The following CFAP100 variants were observed in gnomAD, a reference collection of about 807,000 sequenced individuals.
CFAP100 encodes the protein cilia and flagella associated protein 100, also known as cilia- and flagella-associated protein 100.
Under a neutral mutation model 81.5 loss-of-function variants are expected in CFAP100, and 70 were observed. The ratio of observed to expected loss-of-function variants is 0.86; its 90% CI spans 0.71 to 1.05. The LOEUF (loss-of-function observed/expected upper bound fraction) is 1.05. CFAP100 is among the 50% of genes least tolerant of loss of function. CFAP100 has a pLI of 0.00. For missense variants in CFAP100, 811 were observed against 776.5 expected (o/e 1.04, Z -0.53); for synonymous variants, 341 against 314.8 (o/e 1.08, Z -0.88).
chr3:126,425,520 T>C (rs1013217998), intron 13 of CFAP100, among the ~76,000 whole-genome samples: 1 of 152,172 alleles, frequency 6.6e-6, no homozygotes, highest in African/African-American at 2.4e-5. Context: ...TTCTCTACAA[T>C]CACTTTTCAG....
chr3:126,407,008 C>A (rs2083073318), intron 2 of CFAP100, among the ~76,000 whole-genome samples, 164 bp from the exon 3 acceptor site: 1 of 152,240 alleles, frequency 6.6e-6, no homozygotes, highest in African/African-American at 2.4e-5. Flanking sequence ...AACTTCCCAG[C>A]AAAGTCAGTG....
rs373231701 is a variant in CFAP100 at position 126,436,328 on chromosome 3, C to T, written c.1760C>T (p.Ala587Val). ...RTLVCRSRPPAHRIKQQSEHT... is the reference protein window; with the variant it reads ...RTLVCRSRPPVHRIKQQSEHT... ...CTGGTATGCCGCTCACGACCCCCAG[C>T]CCACAGGATCAAACAACAGTCTGAG... The change falls in exon 17 of 17, where the codon GCC (alanine) becomes GTC (valine). Residue 587 changes from alanine to valine, a missense_variant. Coordinates refer to ENST00000352312, the MANE Select transcript of CFAP100 (RefSeq NM_182628.3). 6.2e-7 allele frequency: 1 copy of T among 1,614,024 alleles called. No individual in the cohort carries two copies. Among genetic ancestry groups the T allele is most frequent in the Admixed American group, 1.7e-5 (1 of 60,014 alleles).
chr3:126,424,350 C>T (rs1233791417), intron 13 of CFAP100, among the ~76,000 whole-genome samples: 1 of 152,274 alleles, frequency 6.6e-6, no homozygotes, highest in Admixed American at 6.5e-5. Flanking sequence ...GCTTGTCCAG[C>T]ATGGCAAAGT....
intron 4 of CFAP100, among the ~76,000 whole-genome samples, chr3:126,416,046 G>A (rs923817594): frequency 6.6e-5 from 10 of 152,128 alleles, no homozygotes; most frequent in Non-Finnish European, 1.0e-4. Context: ...TCATCTTTTC[G>A]GGTAAGCGTG....
intron 2 of CFAP100, 121 bp from the exon 3 acceptor site, chr3:126,407,051 A>C (rs772815468): frequency 2.8e-4 from 167 of 591,518 alleles, no homozygotes; most frequent in Non-Finnish European, 4.7e-4. Context: ...TCAGTCTCAC[A>C]GGGGAGGGAG....
At position 126,429,622 on chromosome 3, in the gene CFAP100, G is replaced by GTTTTT. The variant is rs56249367; in HGVS notation, c.1287-3440_1287-3436dup. On this transcript the variant is annotated intron_variant, in intron 13 of 16. Transcript: ENST00000352312. ...TTATCTTCTTTTGTATCTACTGTAG[G>GTTTTT]TTTTTTTTTTTGTACTTACCATGAA... Among the ~76,000 whole-genome samples, 152 of 145,686 alleles carry GTTTTT rather than the reference G, an allele frequency of 1.0e-3. 1 individual carries two copies. Among genetic ancestry groups the GTTTTT allele is most frequent in the African/African-American group, 3.2e-3 (130 of 40,072 alleles).
At chr3:126,414,044 A>C in intron 3 of CFAP100, 41 bp from the exon 4 acceptor site, 35 of 1,455,944 alleles carry the variant, frequency 2.4e-5, no homozygotes, top group Non-Finnish European at 3.1e-5. Context: ...ACCGCCTGGA[A>C]GAGCTGGCTC....
At chr3:126,433,982 G>A in intron 14 of CFAP100, 194 bp from the exon 15 acceptor site, 1 of 573,664 alleles carries the variant, frequency 1.7e-6, no homozygotes, top group Non-Finnish European at 3.1e-6. Flanking sequence ...ACTCCAGGGG[G>A]CCCGGGGGAT....
intron 13 of CFAP100, among the ~76,000 whole-genome samples, chr3:126,432,276 C>T (rs1343640309): frequency 6.7e-5 from 8 of 118,714 alleles, no homozygotes; most frequent in Non-Finnish European, 1.1e-4. Context: ...GAGCAAGACT[C>T]CGTCTCAAAA....
At chr3:126,399,205 C>G (rs150208918) in intron 2 of CFAP100, among the ~76,000 whole-genome samples, 59 of 152,214 alleles carry the variant, frequency 3.9e-4, no homozygotes, top group Non-Finnish European at 7.1e-4. Flanking sequence ...GGCCTTTTGA[C>G]CCTTCTTCAC....
chr3:126,434,525 G>A (rs1417691755), intron 15 of CFAP100, 144 bp downstream of exon 15: 50 of 802,164 alleles, frequency 6.2e-5, no homozygotes. Flanking sequence ...CCATGTCTTG[G>A]GGGGATCTAG....
At chr3:126,399,723 T>G (rs921179194) in intron 2 of CFAP100, among the ~76,000 whole-genome samples, 16 of 152,212 alleles carry the variant, frequency 1.1e-4, no homozygotes, top group African/African-American at 2.9e-4. Context: ...AAGCAACTCT[T>G]CTGAAACTCT....
At chr3:126,411,015 G>A (rs76089118) in intron 3 of CFAP100, among the ~76,000 whole-genome samples, 9,449 of 152,280 alleles carry the variant, frequency 0.062, 338 homozygotes, top group South Asian at 0.11. Context: ...CTTTAGAGGT[G>A]GCTGCCCACA....
At chr3:126,421,262 C>T (rs1402733292) in intron 11 of CFAP100, among the ~76,000 whole-genome samples, 1 of 152,208 alleles carries the variant, frequency 6.6e-6, no homozygotes, top group Non-Finnish European at 1.5e-5. Flanking sequence ...CCTCAGCCTC[C>T]CAAAGTGCTG....
intron 7 of CFAP100, 36 bp from the exon 8 acceptor site, chr3:126,419,040 G>T: frequency 7.5e-6 from 6 of 801,182 alleles, no homozygotes; most frequent in South Asian, 3.2e-5. Flanking sequence ...CTGGCCCCTT[G>T]CCCCCATCCC....
rs1419203115 is a variant in CFAP100 at position 126,414,184 on chromosome 3, G to T, written c.225+5G>T. 2.5e-6 allele frequency: 4 copies of T among 1,608,572 alleles called. No individual in the cohort carries two copies. Among genetic ancestry groups the T allele is most frequent in the Non-Finnish European group, 3.4e-6 (4 of 1,174,928 alleles). The stretch of plus-strand genomic sequence containing the variant: ...GAGCGGAATAAGGCTCTCTCCGTGA[G>T]TATCCAGGACAGACGCCAGCACCTC... On this transcript the variant is annotated splice_donor_5th_base_variant and intron_variant, in intron 4 of 16. Transcript: ENST00000352312.
rs58954079 is a variant in CFAP100 at position 126,411,361 on chromosome 3, G to GTTTTTTTTTTTT, written c.131-2709_131-2698dup. Among the ~76,000 whole-genome samples the GTTTTTTTTTTTT allele has an allele frequency of 9.6e-4, 34 of 35,382 alleles. 6 individuals carry two copies. Among genetic ancestry groups the GTTTTTTTTTTTT allele is most frequent in the Non-Finnish European group, 1.2e-3 (26 of 21,538 alleles). The allele number at this position is 35,382 out of a possible 152,430, so 23.2% of individuals were successfully genotyped here. A position where few individuals can be genotyped will look rare whatever the true frequency, so the allele number is the denominator to read the frequency against. ...TCTGTAGTTTTTTTTGTTGTTGTTGGTTTTTTTTTTTTTTTTTTTTTTTTT... is the reference window on the plus strand; with the variant it reads ...TCTGTAGTTTTTTTTGTTGTTGTTGGTTTTTTTTTTTTTTTTTTTTTTTTTTTTTTTTTTTTT... On this transcript the variant is annotated intron_variant, in intron 3 of 16. Coordinates refer to ENST00000352312, the MANE Select transcript of CFAP100 (RefSeq NM_182628.3).
At chr3:126,416,683 T>G in intron 5 of CFAP100, 175 bp downstream of exon 5, 1 of 546,306 alleles carries the variant, frequency 1.8e-6, no homozygotes, top group South Asian at 2.7e-5. Context: ...GTCCCAAAGC[T>G]CTATTCCAGG....
chr3:126,425,542 A>C (rs2083392762), intron 13 of CFAP100, among the ~76,000 whole-genome samples: 1 of 152,254 alleles, frequency 6.6e-6, no homozygotes, highest in Non-Finnish European at 1.5e-5. Context: ...AGATAGGAGC[A>C]GAGGGAGTAC....
Sources: gnomAD v4.1 joint callset for allele counts (sites outside exome capture counted in the v4.1 genomes callset) on GRCh38, gnomAD v4.1.1 for gene constraint, MANE v1.5 for transcripts, NCBI Gene and HGNC (gene_info 2026-07-23, HGNC 2026-07-21) for gene names.